DNAH11: variants seen among roughly 807,000 people sequenced by gnomAD.
DNAH11 encodes the protein dynein axonemal heavy chain 11.
Under a neutral mutation model 526.0 loss-of-function variants are expected in DNAH11, and 442 were observed. The observed-to-expected ratio is 0.84, with a 90% CI of 0.78 to 0.91. The LOEUF is 0.91. DNAH11 is among the 40% of genes least tolerant of loss of function. DNAH11 has a pLI of 0.00. For missense variants in DNAH11, 6,989 were observed against 5,448.7 expected, an observed-to-expected ratio of 1.28 and a Z score of -8.90; for synonymous variants, 2,461 against 1,935.9, an observed-to-expected ratio of 1.27 and a Z score of -7.12.
chr7:21,765,981 T>C (rs1026778580), intron 55 of DNAH11, among the ~76,000 whole-genome samples: 6 of 152,300 alleles, frequency 3.9e-5, no homozygotes, highest in African/African-American at 1.4e-4. Flanking sequence ...GTAGTCACCG[T>C]AGCCACGCAC....
chr7:21,581,387 C>A (rs987219921), intron 8 of DNAH11, among the ~76,000 whole-genome samples: 1 of 152,162 alleles, frequency 6.6e-6, no homozygotes, highest in South Asian at 2.1e-4. Context: ...TCCTCTGTAT[C>A]ACTAATGATA....
intron 12 of DNAH11, among the ~76,000 whole-genome samples, chr7:21,590,372 T>C (rs1784628605): frequency 6.6e-6 from 1 of 152,176 alleles, no homozygotes; most frequent in South Asian, 2.1e-4. Context: ...TATAAGAATA[T>C]CTATTTGTAA....
intron 63 of DNAH11, among the ~76,000 whole-genome samples, chr7:21,814,306 C>G (rs1789670176): frequency 6.6e-6 from 1 of 151,800 alleles, no homozygotes; most frequent in Non-Finnish European, 1.5e-5. Context: ...TTTGTAAACA[C>G]TGTACACTTA....
chr7:21,873,784 C>CTTGTTGTTT (rs1783590856), intron 74 of DNAH11, among the ~76,000 whole-genome samples: 1 of 70,700 alleles, frequency 1.4e-5, no homozygotes, highest in Admixed American at 2.5e-4. Context: ...GAGGAGGTTG[C>CTTGTTGTTT]TTTTTTTTTT....
intron 61 of DNAH11, among the ~76,000 whole-genome samples, chr7:21,793,813 G>C (rs1247955880): frequency 6.6e-6 from 1 of 152,126 alleles, no homozygotes; most frequent in Middle Eastern, 3.2e-3. Context: ...TATCCACTTA[G>C]ATCTATTCAT....
chr7:21,669,597 G>A (rs535500056), intron 30 of DNAH11, among the ~76,000 whole-genome samples: 21 of 151,996 alleles, frequency 1.4e-4, no homozygotes, highest in African/African-American at 5.1e-4. Context: ...GCAGTGTAGT[G>A]TATCACATTT....
intron 2 of DNAH11, among the ~76,000 whole-genome samples, chr7:21,551,704 G>A (rs532813285): frequency 1.1e-4 from 16 of 152,270 alleles, no homozygotes; most frequent in Admixed American, 2.6e-4. Context: ...TCCACAAATA[G>A]CCTTATCCCA....
At chr7:21,895,069 G>GC in intron 79 of DNAH11, 70 bp downstream of exon 79, 1 of 1,282,614 alleles carries the variant, frequency 7.8e-7, no homozygotes, top group Admixed American at 1.7e-5. Context: ...TCTGAATAAT[G>GC]CTTCCTAAGA....
In DNAH11 at chr7:21,743,781, C is replaced by T. The variant is rs1243502881; in HGVS notation, c.8155-657C>T. On this transcript the variant is annotated intron_variant, in intron 49 of 81. Coordinates refer to ENST00000409508, the MANE Select transcript of DNAH11 (RefSeq NM_001277115.2). ...GGGACGAGAGGACTGCCTGCTCACCCTTCATATCCTGCCTGTCAGCTGCAC... is the reference window on the plus strand; with the variant it reads ...GGGACGAGAGGACTGCCTGCTCACCTTTCATATCCTGCCTGTCAGCTGCAC... 3.3e-5 allele frequency among the ~76,000 whole-genome samples: 5 copies of T among 152,314 alleles called. No individual in the cohort carries two copies. The South Asian group carries it at 6.2e-4, about 19-fold the overall frequency.
At chr7:21,617,891 C>T (rs1785856882) in intron 23 of DNAH11, 114 bp downstream of exon 23, 6 of 1,142,378 alleles carry the variant, frequency 5.3e-6, no homozygotes, top group Admixed American at 3.0e-5. Flanking sequence ...TCAGCATAGC[C>T]TCTACTTGCT....
At chr7:21,692,594 T>C (rs572279803) in intron 35 of DNAH11, among the ~76,000 whole-genome samples, 1 of 152,224 alleles carries the variant, frequency 6.6e-6, no homozygotes, top group African/African-American at 2.4e-5. Context: ...TTGGGCTGTT[T>C]CCAGGTTGGG....
intron 9 of DNAH11, among the ~76,000 whole-genome samples, chr7:21,583,424 T>C (rs1323736602): frequency 6.6e-6 from 1 of 152,034 alleles, no homozygotes; most frequent in South Asian, 2.1e-4. Flanking sequence ...TTACACCTTA[T>C]AGAAAAATTA....
At chr7:21,575,841 A>G (rs1310929371) in intron 8 of DNAH11, among the ~76,000 whole-genome samples, 4 of 152,244 alleles carry the variant, frequency 2.6e-5, no homozygotes, top group Non-Finnish European at 1.5e-5. Context: ...ATCCCTTACT[A>G]TATTTTGGCA....
At chr7:21,857,741 A>G (rs1338903245) in intron 68 of DNAH11, among the ~76,000 whole-genome samples, 1 of 152,134 alleles carries the variant, frequency 6.6e-6, no homozygotes, top group Non-Finnish European at 1.5e-5. Context: ...GACAGTTTTT[A>G]CAACAAATGG....
Position 21,732,040 on chromosome 7 carries a change from G to T in DNAH11, c.7441-3600G>T, listed in dbSNP as rs536258015. On this transcript the variant is annotated intron_variant, in intron 45 of 81. Coordinates refer to ENST00000409508, the MANE Select transcript of DNAH11 (RefSeq NM_001277115.2). ...GGTTCTGTACCGTCTGTGGTTTCAG[G>T]CATTCCCTGGGAGCCTTGGAACATA... Among the ~76,000 whole-genome samples, 5 of 152,304 alleles carry T rather than the reference G, an allele frequency of 3.3e-5. 1 individual carries two copies. The South Asian group carries it at 1.0e-3, about 32-fold the overall frequency.
intron 42 of DNAH11, among the ~76,000 whole-genome samples, chr7:21,712,699 G>A (rs1784507109): frequency 6.6e-6 from 1 of 152,180 alleles, no homozygotes. Context: ...AGTTCTTTAA[G>A]TTCTTTGCCC....
intron 43 of DNAH11, among the ~76,000 whole-genome samples, 197 bp from the exon 44 acceptor site, chr7:21,720,528 T>C (rs937870320): frequency 6.6e-6 from 1 of 152,094 alleles, no homozygotes; most frequent in Non-Finnish European, 1.5e-5. Flanking sequence ...ACCTAGATCA[T>C]TTTGGTTGAA....
intron 68 of DNAH11, among the ~76,000 whole-genome samples, chr7:21,855,559 A>AT (rs1782812422): frequency 6.6e-6 from 1 of 152,214 alleles, no homozygotes; most frequent in Non-Finnish European, 1.5e-5. Context: ...TAAGGATGAC[A>AT]TTTTCAAACT....
intron 6 of DNAH11, among the ~76,000 whole-genome samples, chr7:21,565,836 C>T (rs1173405240): frequency 6.6e-6 from 1 of 152,180 alleles, no homozygotes; most frequent in Non-Finnish European, 1.5e-5. Flanking sequence ...AAACTATTGA[C>T]TTACAGGCTA....
Sources: gnomAD v4.1 joint callset for allele counts (sites outside exome capture counted in the v4.1 genomes callset) on GRCh38, gnomAD v4.1.1 for gene constraint, MANE v1.5 for transcripts, NCBI Gene and HGNC (gene_info 2026-07-23, HGNC 2026-07-21) for gene names.